The following CSPG5 variants were observed in gnomAD, a reference collection of about 807,000 sequenced individuals.
The protein encoded by CSPG5 is chondroitin sulfate proteoglycan 5.
CSPG5 carries 25 observed loss-of-function variants against 39.8 expected under a neutral mutation model. The ratio of observed to expected loss-of-function variants is 0.63; its 90% CI spans 0.46 to 0.88. The LOEUF (loss-of-function observed/expected upper bound fraction) is 0.88, where lower values mean the gene tolerates loss of function less well. Among genes scored for constraint, CSPG5 ranks in the 40% least tolerant of loss-of-function variants. The pLI is 0.00. For synonymous variants in CSPG5, 295 were observed against 303.9 expected (o/e 0.97, Z 0.31); for missense variants, 627 against 702.2 (o/e 0.89, Z 1.21).
intron 4 of CSPG5, among the ~76,000 whole-genome samples, chr3:47,567,770 G>A (rs2031369603): frequency 6.6e-6 from 1 of 152,178 alleles, no homozygotes; most frequent in African/African-American, 2.4e-5. Context: ...CCAACACTTT[G>A]GGAGGCTGCG....
chr3:47,576,232 C>T (rs1424470343), intron 2 of CSPG5, among the ~76,000 whole-genome samples: 3 of 152,036 alleles, frequency 2.0e-5, no homozygotes. Context: ...CCACCACGCC[C>T]GGCCTCATTT....
chr3:47,567,798 G>A (rs914500451), intron 4 of CSPG5, among the ~76,000 whole-genome samples: 11 of 152,212 alleles, frequency 7.2e-5, no homozygotes, highest in Non-Finnish European at 1.3e-4. Flanking sequence ...GATCACTTGA[G>A]CCCAGGGGTT....
intron 2 of CSPG5, 25 bp downstream of exon 2, chr3:47,576,808 A>G (rs2031755837): frequency 4.6e-6 from 7 of 1,533,458 alleles, no homozygotes; most frequent in Non-Finnish European, 6.1e-6. Context: ...CAGTGTCCCT[A>G]TGCACCTGCC....
chr3:47,577,588 A>G lies in CSPG5; in HGVS notation c.438T>C (p.Ala146=). 2.5e-6 allele frequency: 4 copies of G among 1,611,578 alleles called. No individual in the cohort carries two copies. Among genetic ancestry groups the G allele is most frequent in the Non-Finnish European group, 3.4e-6 (4 of 1,179,562 alleles). ...GGGAGGGTGGCCCGCTGGCCTCTGT[A>G]GCCTCAGGAATGGCAGGGGGCATGA... The part of the protein sequence containing the change: ...QSIMPPAIPE[A]TEASGPPSPT... The change falls in exon 2 of 5, where the codon GCT becomes GCC. Residue 146 remains alanine, a synonymous_variant. Coordinates refer to ENST00000264723, the MANE Select transcript of CSPG5 (RefSeq NM_006574.4). This position sits in a 1 kb window ranked among gnomAD's most constrained non-coding sequence, Gnocchi z 4.7.
intron 4 of CSPG5, among the ~76,000 whole-genome samples, chr3:47,567,492 T>C (rs1362491141): frequency 2.6e-5 from 4 of 152,226 alleles, no homozygotes; most frequent in Non-Finnish European, 5.9e-5. Flanking sequence ...CCTTACTTGT[T>C]GTATCTTGGT....
rs754259161 is a variant in CSPG5, at chr3:47,576,911, G to C, written c.1115C>G (p.Ser372Ter). 1.2e-6 allele frequency: 2 copies of C among 1,609,770 alleles called. No individual in the cohort carries two copies. Among genetic ancestry groups the C allele is most frequent in the Non-Finnish European group, 8.5e-7 (1 of 1,177,450 alleles). Residue 372 changes from serine to a stop codon, truncating the protein, a stop_gained, in exon 2 of 5, where the codon TCA becomes TGA. Transcript: ENST00000264723. LOFTEE classifies it high-confidence loss of function. Reference sequence around the variant, plus strand: ...GTAACTTGGGAAGAGGTCGCACACTGACCGGCAGGAGCCGTTATGCCGCAC... The same window carrying C: ...GTAACTTGGGAAGAGGTCGCACACTCACCGGCAGGAGCCGTTATGCCGCAC... ...GFVRHNGSCRSVCDLFPSYCH... is the reference protein window; with the variant it reads ...GFVRHNGSCR
intron 4 of CSPG5, among the ~76,000 whole-genome samples, chr3:47,568,286 AT>A: frequency 6.6e-6 from 1 of 152,320 alleles, no homozygotes; most frequent in Middle Eastern, 3.4e-3. Flanking sequence ...ATGATTTGAG[AT>A]TTGGATATGG....
intron 4 of CSPG5, among the ~76,000 whole-genome samples, chr3:47,567,513 T>C (rs890002783): frequency 2.0e-5 from 3 of 152,234 alleles, no homozygotes; most frequent in Non-Finnish European, 4.4e-5. Flanking sequence ...ACAAACCAAG[T>C]GAAATAATCT....
rs1416993695 is a variant in CSPG5, at chr3:47,578,217, C to T, written c.98-289G>A. On this transcript the variant is annotated intron_variant, in intron 1 of 4. Coordinates refer to ENST00000264723, the MANE Select transcript of CSPG5 (RefSeq NM_006574.4). The surrounding 1 kb of genome is among the most constrained non-coding windows in gnomAD (Gnocchi z 6.0). ...GGCCAGGGCGGCCCCCAGCTCGGCC[C>T]ACCCATAAGTCTCACCCTCGGGAAC... The T allele has an allele frequency of 8.0e-6, 3 of 372,936 alleles. No homozygotes were observed. The highest frequency in any genetic ancestry group is 1.4e-5 in the Non-Finnish European group (3 of 216,232). 23.1% of individuals were successfully genotyped at this position (372,936 alleles called of 1,614,324 possible).
chr3:47,577,210 A>G lies in CSPG5; in HGVS notation c.816T>C (p.Tyr272=), dbSNP rs771167725. 6.2e-7 allele frequency: 1 copy of G among 1,607,704 alleles called. No homozygotes were observed. Residue 272 remains tyrosine, a synonymous_variant, in exon 2 of 5, where the codon TAT becomes TAC. Coordinates refer to ENST00000264723, the MANE Select transcript of CSPG5 (RefSeq NM_006574.4). This position sits in a 1 kb window ranked among gnomAD's most constrained non-coding sequence, Gnocchi z 4.7. ...CCTCCTCCTCTTCATCCAAGTCATC[A>G]TAAAAGGATGTGGTGGGGTAGAAAT... ...ESDFYPTTSF[Y]DDLDEEEEEE... is the part of the protein sequence containing the mutation.
rs996699826 is a variant in CSPG5 at position 47,572,348 on chromosome 3, C to A, written c.1382+338G>T. 5.9e-5 allele frequency among the ~76,000 whole-genome samples: 9 copies of A among 152,176 alleles called. No homozygotes were observed. In the East Asian group the frequency reaches 1.5e-3, roughly 26 times the overall value. ...AAGAAGGGTCTATCAGGCAGGTGGG[C>A]AGACTGAGTAACTTACCTGGGGACT... On this transcript the variant is annotated intron_variant, in intron 3 of 4. Transcript: ENST00000264723. This position sits in a 1 kb window ranked among gnomAD's most constrained non-coding sequence, Gnocchi z 4.5.
chr3:47,569,092 G>C (rs775166823), intron 4 of CSPG5, 60 bp downstream of exon 4: 2 of 1,552,068 alleles, frequency 1.3e-6, no homozygotes, highest in African/African-American at 2.8e-5. Flanking sequence ...CGTTATCATA[G>C]TGAGCCAAGG....
chr3:47,577,909 C>A lies in CSPG5; in HGVS notation c.117G>T (p.Ala39=). The change falls in exon 2 of 5, where the codon GCG becomes GCT. Residue 39 remains alanine (A), a synonymous_variant. Transcript: ENST00000264723. The surrounding 1 kb of genome is among the most constrained non-coding windows in gnomAD (Gnocchi z 4.7). ...CCTTCACCAGCTCTTCGGCCTCAAC[C>A]GCGCTGCCCGCCTCACGCGCTGCGG... is the stretch of plus-strand genomic sequence containing the variant. ...GAVPAREAGS[A]VEAEELVKGS... The A allele has an allele frequency of 6.9e-7, 1 of 1,452,360 alleles. No individual in the cohort carries two copies. The highest frequency in any genetic ancestry group is 1.5e-5 in the South Asian group (1 of 68,850). 90.0% of individuals were successfully genotyped at this position (1,452,360 alleles called of 1,614,324 possible). A position where few individuals can be genotyped will look rare whatever the true frequency, so the allele number is the denominator to read the frequency against.
chr3:47,562,485 AAAAAG>A lies in CSPG5; in HGVS notation c.*110_*114del. Reference sequence around the variant, plus strand: ...ACATAAAAGCATGCCATGAGATCAGAAAAAGAAAAGAGTTTAACAAATGGTTACAA... The same window carrying A: ...ACATAAAAGCATGCCATGAGATCAGAAAAAGAGTTTAACAAATGGTTACAA... On this transcript the variant is annotated 3_prime_UTR_variant, in exon 5 of 5. Transcript: ENST00000264723. 2 of 1,087,148 alleles carry A rather than the reference AAAAAG, an allele frequency of 1.8e-6. No homozygotes were observed. Among genetic ancestry groups the A allele is most frequent in the Non-Finnish European group, 1.3e-6 (1 of 763,370 alleles). 67.3% of individuals were successfully genotyped at this position (1,087,148 alleles called of 1,614,324 possible). A position where few individuals can be genotyped will look rare whatever the true frequency, so the allele number is the denominator to read the frequency against.
Position 47,578,111 on chromosome 3 carries a change from T to G in CSPG5, c.98-183A>C. The stretch of plus-strand genomic sequence containing the variant: ...TACCTCTAAGCCCCGTCCCGGAGTC[T>G]GCCCCCAAGACGAGGATCACACCCC... On this transcript the variant is annotated intron_variant, in intron 1 of 4. Coordinates refer to ENST00000264723, the MANE Select transcript of CSPG5 (RefSeq NM_006574.4). This position sits in a 1 kb window ranked among gnomAD's most constrained non-coding sequence, Gnocchi z 6.0. 1.1e-6 allele frequency: 1 copy of G among 947,668 alleles called. No homozygotes were observed. The highest frequency in any genetic ancestry group is 4.2e-5 in the South Asian group (1 of 24,090). The allele number at this position is 947,668 out of a possible 1,614,324, so 58.7% of individuals were successfully genotyped here.
At chr3:47,566,753 C>G (rs2031315976) in intron 4 of CSPG5, among the ~76,000 whole-genome samples, 1 of 152,208 alleles carries the variant, frequency 6.6e-6, no homozygotes, top group African/African-American at 2.4e-5. Context: ...CTTGCTGCTT[C>G]CTAAGGGATG....
At chr3:47,564,909 G>A (rs1036808587) in intron 4 of CSPG5, among the ~76,000 whole-genome samples, 2 of 152,038 alleles carry the variant, frequency 1.3e-5, no homozygotes, top group African/African-American at 4.8e-5. Flanking sequence ...AAGCTGGAGA[G>A]CTGAGCTATA....
chr3:47,569,259 T>C (rs778841011), intron 3 of CSPG5, 32 bp from the exon 4 acceptor site: 3 of 1,601,620 alleles, frequency 1.9e-6, no homozygotes, highest in Non-Finnish European at 2.6e-6. Context: ...AGGAAACATG[T>C]AAGTGAAATA....
At chr3:47,579,660 C>A (rs901955823), upstream of CSPG5, 4 of 152,242 alleles carry the variant, frequency 2.6e-5, no homozygotes, top group African/African-American at 9.7e-5. This position sits in a 1 kb window ranked among gnomAD's most constrained non-coding sequence, Gnocchi z 4.2. Flanking sequence ...GTGTCTCAGA[C>A]CACCAAAACT....
Sources: gnomAD v4.1 joint callset for allele counts (sites outside exome capture counted in the v4.1 genomes callset) on GRCh38, gnomAD v4.1.1 for gene constraint, Gnocchi (gnomAD v3.1) non-coding constraint, MANE v1.5 for transcripts, NCBI Gene and HGNC (gene_info 2026-07-23, HGNC 2026-07-21) for gene names.